The following MAP7 variants were observed in gnomAD, a reference collection of about 807,000 sequenced individuals.
MAP7 encodes microtubule associated protein 7, also known as ensconsin.
In MAP7, 52 loss-of-function variants were observed where a neutral mutation model predicts 94.8. The ratio of observed to expected loss-of-function variants is 0.55; its 90% CI spans 0.44 to 0.69. The LOEUF (loss-of-function observed/expected upper bound fraction) is 0.69, where lower values mean the gene tolerates loss of function less well. MAP7 is among the 30% of genes least tolerant of loss of function. MAP7 has a pLI of 0.00. For missense variants in MAP7, 940 were observed against 964.6 expected (o/e 0.97, Z 0.34); for synonymous variants, 350 against 357.0 (o/e 0.98, Z 0.22).
chr6:136,545,688 C>T (rs2129062032), intron 1 of MAP7, among the ~76,000 whole-genome samples: 1 of 152,256 alleles, frequency 6.6e-6, no homozygotes, highest in South Asian at 2.1e-4. Flanking sequence ...TCTCCCTTTC[C>T]TCCATCTAAT....
At chr6:136,464,282 A>G (rs1254591327) in intron 1 of MAP7, among the ~76,000 whole-genome samples, 2 of 152,212 alleles carry the variant, frequency 1.3e-5, no homozygotes, top group Non-Finnish European at 2.9e-5. Flanking sequence ...GTAGTGGTCT[A>G]TCAACTACAG....
intron 1 of MAP7, among the ~76,000 whole-genome samples, chr6:136,423,288 T>C (rs752700995): frequency 6.6e-6 from 1 of 152,080 alleles, no homozygotes; most frequent in Non-Finnish European, 1.5e-5. Context: ...AATTTCCCCA[T>C]CTGTAAATGG....
chr6:136,538,487 T>G (rs1276658723), intron 1 of MAP7, among the ~76,000 whole-genome samples: 2 of 151,996 alleles, frequency 1.3e-5, no homozygotes, highest in Non-Finnish European at 2.9e-5. Flanking sequence ...GCAAAGGACT[T>G]AAAATTTAAA....
intron 1 of MAP7, among the ~76,000 whole-genome samples, chr6:136,473,494 G>T (rs1809752747): frequency 6.6e-6 from 1 of 152,132 alleles, no homozygotes. Flanking sequence ...ATGAAAATGG[G>T]ATCTTCCATG....
At chr6:136,486,201 A>G (rs1173823263) in intron 1 of MAP7, among the ~76,000 whole-genome samples, 1 of 152,182 alleles carries the variant, frequency 6.6e-6, no homozygotes, top group African/African-American at 2.4e-5. Context: ...ATTTAAATAA[A>G]AGTGATGTGG....
intron 1 of MAP7, among the ~76,000 whole-genome samples, chr6:136,535,142 G>A (rs912539285): frequency 2.0e-5 from 3 of 152,128 alleles, no homozygotes; most frequent in East Asian, 3.9e-4. Context: ...GGATCATGGC[G>A]GTGCAACCTC....
rs892073067 is a variant in MAP7 at position 136,448,563 on chromosome 6, C to T, written c.68-26764G>A. On this transcript the variant is annotated intron_variant, in intron 1 of 17. Coordinates refer to ENST00000354570, the MANE Select transcript of MAP7 (RefSeq NM_003980.6). Reference sequence around the variant, plus strand: ...CCAAGTAGCTGGGACTACAGGCGCCCGCCACCACGCCTGGTTAATTTTTGT... The same window carrying T: ...CCAAGTAGCTGGGACTACAGGCGCCTGCCACCACGCCTGGTTAATTTTTGT... Among the ~76,000 whole-genome samples, 15 of 151,982 alleles carry T rather than the reference C, an allele frequency of 9.9e-5. No homozygotes were observed. In the South Asian group the frequency reaches 1.2e-3, roughly 13 times the overall value.
intron 1 of MAP7, among the ~76,000 whole-genome samples, chr6:136,529,917 A>C (rs1029179295): frequency 6.6e-6 from 1 of 152,168 alleles, no homozygotes; most frequent in Non-Finnish European, 1.5e-5. Context: ...AAACAGAGTC[A>C]AACTTGCTGA....
intron 1 of MAP7, among the ~76,000 whole-genome samples, chr6:136,531,973 C>T (rs181356737): frequency 6.6e-6 from 1 of 151,622 alleles, no homozygotes; most frequent in Non-Finnish European, 1.5e-5. Context: ...AAATAATGAG[C>T]TATACTTAGA....
intron 5 of MAP7, 27 bp downstream of exon 5, chr6:136,388,366 C>G: frequency 1.3e-6 from 2 of 1,519,314 alleles, no homozygotes; most frequent in Non-Finnish European, 1.8e-6. Context: ...AAAATAAAGA[C>G]TAATTTTCAA....
chr6:136,412,700 A>G (rs1787879891), intron 2 of MAP7, among the ~76,000 whole-genome samples: 1 of 152,164 alleles, frequency 6.6e-6, no homozygotes, highest in South Asian at 2.1e-4. Flanking sequence ...GGTTAAGGTG[A>G]GGACTTTGCA....
intron 1 of MAP7, among the ~76,000 whole-genome samples, chr6:136,423,545 T>G (rs1294811641): frequency 6.6e-6 from 1 of 152,038 alleles, no homozygotes; most frequent in African/African-American, 2.4e-5. Flanking sequence ...TTCCAGAGGT[T>G]TTCAGCTCAG....
intron 1 of MAP7, among the ~76,000 whole-genome samples, chr6:136,544,052 G>A (rs1296308238): frequency 1.3e-5 from 2 of 152,022 alleles, no homozygotes; most frequent in African/African-American, 4.8e-5. Context: ...CTCCTGTGTA[G>A]TTCGGATTAC....
intron 1 of MAP7, among the ~76,000 whole-genome samples, chr6:136,501,423 T>C (rs949197182): frequency 2.1e-4 from 32 of 152,328 alleles, no homozygotes; most frequent in African/African-American, 7.5e-4. Context: ...GGGGTTTAGG[T>C]ATTACCTTGT....
intron 1 of MAP7, among the ~76,000 whole-genome samples, chr6:136,532,694 C>T (rs1388148909): frequency 2.0e-5 from 3 of 151,234 alleles, no homozygotes; most frequent in African/African-American, 4.9e-5. Context: ...AATGGAAAGT[C>T]GAGTTATATA....
At chr6:136,411,503 C>T in intron 3 of MAP7, 117 bp downstream of exon 3, 3 of 802,456 alleles carry the variant, frequency 3.7e-6, no homozygotes, top group Non-Finnish European at 6.0e-6. Flanking sequence ...ATTTTATCAT[C>T]ACATACTAAA....
intron 1 of MAP7, among the ~76,000 whole-genome samples, chr6:136,523,451 A>G (rs532295296): frequency 1.4e-4 from 21 of 152,346 alleles, no homozygotes; most frequent in African/African-American, 5.1e-4. Flanking sequence ...AGCTGTGGCT[A>G]TTGTATTGGA....
chr6:136,476,254 G>C (rs1334317194), intron 1 of MAP7: 1 of 152,164 alleles, frequency 6.6e-6, no homozygotes, highest in African/African-American at 2.4e-5. Flanking sequence ...TAGGGCCCAT[G>C]TAACATGGGG....
At chr6:136,434,875 C>T (rs1795962250) in intron 1 of MAP7, among the ~76,000 whole-genome samples, 1 of 152,160 alleles carries the variant, frequency 6.6e-6, no homozygotes, top group African/African-American at 2.4e-5. Flanking sequence ...CTGAGTGGCC[C>T]ATCAGGGAGC....
Sources: gnomAD v4.1 joint callset for allele counts (sites outside exome capture counted in the v4.1 genomes callset) on GRCh38, gnomAD v4.1.1 for gene constraint, MANE v1.5 for transcripts, NCBI Gene and HGNC (gene_info 2026-07-23, HGNC 2026-07-21) for gene names.